The following URI1 variants were observed in gnomAD, a reference collection of about 807,000 sequenced individuals.
URI1 encodes the protein URI1 prefoldin like chaperone, also known as unconventional prefoldin RPB5 interactor 1.
A neutral mutation model predicts 60.2 loss-of-function variants in URI1; 39 were observed. The observed-to-expected ratio is 0.65, with a 90% CI of 0.50 to 0.85. The LOEUF is 0.85. Ranked by LOEUF, URI1 falls within the 40% of genes least tolerant of loss-of-function variation. The pLI is 0.00. For missense variants in URI1, 691 were observed against 665.9 expected (o/e 1.04, Z -0.42); for synonymous variants, 251 against 236.8 (o/e 1.06, Z -0.55).
upstream of URI1, among the ~76,000 whole-genome samples, chr19:29,941,243 G>A (rs1386809071): frequency 1.3e-5 from 2 of 152,100 alleles, no homozygotes; most frequent in African/African-American, 4.8e-5. Context: ...ATAAGGCAAG[G>A]CCACTTTCAC....
intron 2 of URI1, among the ~76,000 whole-genome samples, chr19:29,984,879 C>A (rs1489251318): frequency 6.6e-6 from 1 of 151,754 alleles, no homozygotes; most frequent in Non-Finnish European, 1.5e-5. Context: ...TCTAGCACTT[C>A]AGGAGGCTGA....
intron 4 of URI1, among the ~76,000 whole-genome samples, chr19:30,001,411 C>T (rs1045808640): frequency 2.0e-4 from 30 of 151,852 alleles, no homozygotes; most frequent in East Asian, 7.7e-4. Flanking sequence ...CCAGGCTGGG[C>T]GTTTCAAGGT....
In URI1 at chr19:30,015,706, A is replaced by C. The variant is rs1449716890; in HGVS notation, c.*637A>C. ...AAAAACTTTATGAAACTTGGTCTCAAAAATGTTGTGAACTTTATGATTCAA... is the reference window on the plus strand; with the variant it reads ...AAAAACTTTATGAAACTTGGTCTCACAAATGTTGTGAACTTTATGATTCAA... On this transcript the variant is annotated 3_prime_UTR_variant, in exon 11 of 11. Coordinates refer to ENST00000392271, the MANE Select transcript of URI1 (RefSeq NM_003796.3). 1.1e-6 allele frequency: 1 copy of C among 943,292 alleles called. No individual in the cohort carries two copies. The allele number at this position is 943,292 out of a possible 1,614,324, so 58.4% of individuals were successfully genotyped here. A position where few individuals can be genotyped will look rare whatever the true frequency, so the allele number is the denominator to read the frequency against.
At chr19:29,944,187 A>ATATATG (rs2055074141) in intron 1 of URI1, among the ~76,000 whole-genome samples, 1 of 111,814 alleles carries the variant, frequency 8.9e-6, no homozygotes, top group Non-Finnish European at 1.8e-5. Flanking sequence ...ATATATATAT[A>ATATATG]TATATAAAAC....
rs76696184 is a variant in URI1 at position 29,948,323 on chromosome 19, C to G, written c.117+5659C>G. 1.9e-3 allele frequency among the ~76,000 whole-genome samples: 286 copies of G among 152,212 alleles called. 3 individuals are homozygous for G. The East Asian group carries it at 0.046, about 25-fold the overall frequency. On this transcript the variant is annotated intron_variant, in intron 1 of 10. Coordinates refer to ENST00000392271, the MANE Select transcript of URI1 (RefSeq NM_003796.3). The stretch of plus-strand genomic sequence containing the variant: ...GCTGGTAGTGGGCATCAGGGGTCAA[C>G]TTTTAAACATTTACCATTAAGTGTG...
At chr19:29,993,626 TTGTA>T (rs1248047038) in intron 4 of URI1, among the ~76,000 whole-genome samples, 1 of 152,104 alleles carries the variant, frequency 6.6e-6, no homozygotes, top group African/African-American at 2.4e-5. Flanking sequence ...AGAAGAAAGA[TTGTA>T]TGAGGTGCAT....
chr19:29,941,609 A>G (rs897027161), upstream of URI1, among the ~76,000 whole-genome samples: 2 of 151,716 alleles, frequency 1.3e-5, no homozygotes, highest in African/African-American at 4.9e-5. Context: ...CGACAGACCA[A>G]GACTCAGTCT....
At chr19:29,924,227 C>T (rs2054846416) in intron 1 of URI1, among the ~76,000 whole-genome samples, 1 of 152,128 alleles carries the variant, frequency 6.6e-6, no homozygotes, top group East Asian at 1.9e-4. Flanking sequence ...CCCAGATGCA[C>T]CCAGAAATAA....
intron 1 of URI1, among the ~76,000 whole-genome samples, chr19:29,960,333 A>G (rs988894751): frequency 6.6e-6 from 1 of 151,858 alleles, no homozygotes; most frequent in African/African-American, 2.4e-5. Context: ...GTCCTTGTTA[A>G]TTTTTTTGTC....
rs553078220 is a variant in URI1 at position 30,005,436 on chromosome 19, T to G, written c.443T>G (p.Leu148Trp). 10 of 1,600,422 alleles carry G rather than the reference T, an allele frequency of 6.2e-6. No individual in the cohort carries two copies. The African/African-American group carries it at 1.1e-4, about 17-fold the overall frequency. Residue 148 changes from leucine to tryptophan, a missense_variant, in exon 5 of 11, where the codon TTG (leucine) becomes TGG (tryptophan). Leu to Trp is a moderately conservative substitution (Grantham distance 61). Transcript: ENST00000392271. ...TCCAGAGTTGAATTCACAGAAGATTTGCAGAAAATGAGCGATGTGAGTATT... is the reference window on the plus strand; with the variant it reads ...TCCAGAGTTGAATTCACAGAAGATTGGCAGAAAATGAGCGATGTGAGTATT... Reference protein sequence around the residue: ...FESRVEFTEDLQKMSDAAGDI... With the variant: ...FESRVEFTEDWQKMSDAAGDI...
At chr19:29,923,688 C>T (rs530738698) in exon 1 of URI1, 3 of 1,536,522 alleles carry the variant, frequency 2.0e-6, no homozygotes, top group Admixed American at 3.9e-5. Context: ...AGGTCACTGC[C>T]CTGATGACAA....
intron 1 of URI1, among the ~76,000 whole-genome samples, chr19:29,928,555 AGT>A (rs1244063311): frequency 3.9e-5 from 6 of 152,150 alleles, no homozygotes; most frequent in African/African-American, 1.4e-4. Flanking sequence ...CTTTGAAATC[AGT>A]GTGTCAGTCC....
Position 29,942,422 on chromosome 19 carries a change from C to T in URI1, c.-126C>T. 2 of 983,308 alleles carry T rather than the reference C, an allele frequency of 2.0e-6. No homozygotes were observed. The highest frequency in any genetic ancestry group is 6.3e-5 in the Admixed American group (1 of 15,928). 60.9% of individuals were successfully genotyped at this position (983,308 alleles called of 1,614,324 possible). A position where few individuals can be genotyped will look rare whatever the true frequency, so the allele number is the denominator to read the frequency against. On this transcript the variant is annotated 5_prime_UTR_variant, in exon 1 of 11. Transcript: ENST00000392271. ...ACAGCAGCGGCGGCGGCGGGCGCGGCCTCCTGGGCGCGGGGCGCGCGGTGC... is the reference window on the plus strand; with the variant it reads ...ACAGCAGCGGCGGCGGCGGGCGCGGTCTCCTGGGCGCGGGGCGCGCGGTGC...
At chr19:29,998,122 A>G (rs988590285) in intron 4 of URI1, among the ~76,000 whole-genome samples, 1 of 152,108 alleles carries the variant, frequency 6.6e-6, no homozygotes, top group African/African-American at 2.4e-5. Context: ...ATTTTCATAT[A>G]TTTATGACTT....
chr19:29,997,788 TCTCA>T (rs1471709614), intron 4 of URI1, among the ~76,000 whole-genome samples: 2 of 152,094 alleles, frequency 1.3e-5, no homozygotes, highest in Non-Finnish European at 2.9e-5. Context: ...TGAGACAGAG[TCTCA>T]CTCACTCTGT....
intron 2 of URI1, among the ~76,000 whole-genome samples, chr19:29,977,852 T>C (rs538799267): frequency 6.6e-6 from 1 of 152,160 alleles, no homozygotes; most frequent in African/African-American, 2.4e-5. Context: ...GAATTTTTTT[T>C]AAATCTGAGT....
chr19:29,945,441 AG>A (rs2055091697), intron 1 of URI1, among the ~76,000 whole-genome samples: 1 of 152,224 alleles, frequency 6.6e-6, no homozygotes, highest in Admixed American at 6.5e-5. Context: ...TGGCAACCTG[AG>A]GAAGAGGACA....
chr19:29,989,344 C>T (rs1042129847), intron 4 of URI1, among the ~76,000 whole-genome samples: 1 of 151,538 alleles, frequency 6.6e-6, no homozygotes, highest in African/African-American at 2.4e-5. Context: ...AACTCCTGAC[C>T]TCAGGTGATC....
At chr19:29,998,594 GTC>G (rs2055841065) in intron 4 of URI1, among the ~76,000 whole-genome samples, 1 of 152,036 alleles carries the variant, frequency 6.6e-6, no homozygotes. Context: ...TTAATTTAAA[GTC>G]TATTTTGTCT....
Sources: gnomAD v4.1 joint callset for allele counts (sites outside exome capture counted in the v4.1 genomes callset) on GRCh38, gnomAD v4.1.1 for gene constraint, MANE v1.5 for transcripts, NCBI Gene and HGNC (gene_info 2026-07-23, HGNC 2026-07-21) for gene names.